LRP12: variants seen among roughly 807,000 people sequenced by gnomAD.
The protein encoded by LRP12 is LDL receptor related protein 12, also known as low-density lipoprotein receptor-related protein 12.
In LRP12, 14 loss-of-function variants were observed where a neutral mutation model predicts 66.0. The observed-to-expected ratio is 0.21, with a 90% CI of 0.14 to 0.33. LRP12 has a LOEUF of 0.33. Ranked by LOEUF, LRP12 falls within the 10% of genes least tolerant of loss-of-function variation. LRP12 has a pLI of 1.00. For synonymous variants in LRP12, 357 were observed against 359.1 expected, an observed-to-expected ratio of 0.99 and a Z score of 0.07; for missense variants, 889 against 1,053.4, an observed-to-expected ratio of 0.84 and a Z score of 2.16.
chr8:104,548,301 A>ATG (rs1491309000), intron 1 of LRP12, among the ~76,000 whole-genome samples: 1 of 85,518 alleles, frequency 1.2e-5, no homozygotes, highest in Non-Finnish European at 1.9e-5. Flanking sequence ...ATATTTATAT[A>ATG]ATATATATTA....
chr8:104,586,496 AAC>A (rs749121710), intron 1 of LRP12, among the ~76,000 whole-genome samples: 48 of 152,298 alleles, frequency 3.2e-4, no homozygotes, highest in Non-Finnish European at 4.6e-4. Flanking sequence ...AGCCTTTTAA[AAC>A]ACACACACAC....
chr8:104,526,978 A>G (rs1194273456), intron 2 of LRP12, among the ~76,000 whole-genome samples: 2 of 148,864 alleles, frequency 1.3e-5, no homozygotes, highest in African/African-American at 2.6e-5. Context: ...AACTCAAACA[A>G]ATTTACAAGA....
chr8:104,563,518 T>TATAC (rs1811947427), intron 1 of LRP12, among the ~76,000 whole-genome samples: 2 of 152,106 alleles, frequency 1.3e-5, no homozygotes, highest in Non-Finnish European at 2.9e-5. Flanking sequence ...AATAAATACA[T>TATAC]ATACATACAT....
At chr8:104,543,649 C>T (rs1811511686) in intron 1 of LRP12, among the ~76,000 whole-genome samples, 1 of 152,190 alleles carries the variant, frequency 6.6e-6, no homozygotes, top group African/African-American at 2.4e-5. Flanking sequence ...GGGCTGGGCA[C>T]AGTGGCTCAC....
intron 1 of LRP12, among the ~76,000 whole-genome samples, chr8:104,583,863 A>G (rs1294544080): frequency 6.6e-6 from 1 of 152,194 alleles, no homozygotes; most frequent in Admixed American, 6.5e-5. Flanking sequence ...CGCATCTTTC[A>G]ATGTAAGTAT....
At chr8:104,511,987 A>G (rs1053005240) in intron 2 of LRP12, among the ~76,000 whole-genome samples, 2 of 152,146 alleles carry the variant, frequency 1.3e-5, no homozygotes, top group Non-Finnish European at 2.9e-5. Context: ...TTAGAAAAAG[A>G]CTATATGTAT....
At chr8:104,561,715 C>CT (rs943438983) in intron 1 of LRP12, among the ~76,000 whole-genome samples, 1 of 152,146 alleles carries the variant, frequency 6.6e-6, no homozygotes, top group Non-Finnish European at 1.5e-5. Flanking sequence ...TTTCAACCAA[C>CT]TGCCTTCGTT....
intron 1 of LRP12, among the ~76,000 whole-genome samples, chr8:104,547,761 A>G (rs915859830): frequency 7.9e-6 from 1 of 127,238 alleles, no homozygotes; most frequent in South Asian, 2.4e-4. Flanking sequence ...TATAATATAT[A>G]ATTCTATATT....
In LRP12 at chr8:104,491,477, C is replaced by G. The variant is rs1373803912; in HGVS notation, c.1776G>C (p.Arg592Ser). ...VRSQLGFTSV[R>S]LPMAGRSSNI... Reference sequence around the variant, plus strand: ...TGCTTGATCTGCCTGCCATAGGAAGCCTGACTGAAGTAAATCCAAGCTGAG... The same window carrying G: ...TGCTTGATCTGCCTGCCATAGGAAGGCTGACTGAAGTAAATCCAAGCTGAG... The change falls in exon 7 of 7, where the codon AGG becomes AGC. Residue 592 changes from arginine (R) to serine (S), a missense_variant. Physicochemically the swap from Arg to Ser is moderately radical, Grantham distance 110. This residue lies in a region of LRP12 where 800 missense variants were observed against 964.5 expected (regional missense o/e 0.83). Coordinates refer to ENST00000276654, the MANE Select transcript of LRP12 (RefSeq NM_013437.5). 1 of 1,613,700 alleles carries G rather than the reference C, an allele frequency of 6.2e-7. No homozygotes were observed. The highest frequency in any genetic ancestry group is 1.3e-5 in the African/African-American group (1 of 74,842).
chr8:104,512,256 G>T (rs1233555330), intron 2 of LRP12, among the ~76,000 whole-genome samples: 2 of 152,192 alleles, frequency 1.3e-5, no homozygotes, highest in Non-Finnish European at 2.9e-5. Context: ...GGCGGAGGCT[G>T]CAGTAAGCTG....
intron 1 of LRP12, among the ~76,000 whole-genome samples, chr8:104,551,615 G>A (rs1280275743): frequency 6.6e-6 from 1 of 152,056 alleles, no homozygotes; most frequent in Non-Finnish European, 1.5e-5. Context: ...GCGATATTTG[G>A]TTTTCTGTTC....
chr8:104,571,546 C>T (rs1469878140), intron 1 of LRP12, among the ~76,000 whole-genome samples: 8 of 152,146 alleles, frequency 5.3e-5, no homozygotes, highest in Non-Finnish European at 1.2e-4. Flanking sequence ...GTTCATTCTC[C>T]TTCCTGTCAC....
chr8:104,519,936 A>G (rs1375706006), intron 2 of LRP12, among the ~76,000 whole-genome samples: 1 of 152,070 alleles, frequency 6.6e-6, no homozygotes, highest in Admixed American at 6.6e-5. Context: ...CAAGGCAGGT[A>G]ATTTCTTGGT....
Position 104,497,317 on chromosome 8 carries a change from A to G in LRP12, c.1235T>C (p.Met412Thr), listed in dbSNP as rs759339913. Residue 412 changes from methionine (M) to threonine (T), a missense_variant, in exon 5 of 7, where the codon ATG becomes ACG. Met to Thr is a moderately conservative substitution (Grantham distance 81). This residue lies in a region of LRP12 where 800 missense variants were observed against 964.5 expected (regional missense o/e 0.83). Transcript: ENST00000276654. The surrounding 1 kb of genome is among the most constrained non-coding windows in gnomAD (Gnocchi z 4.3). ...ACATGGAAATTCTTCCTTCTGGCACATGGTACAATTGGTTTCATCCCTTCC... is the reference window on the plus strand; with the variant it reads ...ACATGGAAATTCTTCCTTCTGGCACGTGGTACAATTGGTTTCATCCCTTCC... ...PNGRDETNCT[M>T]CQKEEFPCSR... is the part of the protein sequence containing the mutation. 6 of 1,614,200 alleles carry G rather than the reference A, an allele frequency of 3.7e-6. No individual in the cohort carries two copies. The highest frequency in any genetic ancestry group is 5.1e-6 in the Non-Finnish European group (6 of 1,180,036).
intron 1 of LRP12, among the ~76,000 whole-genome samples, chr8:104,545,331 T>C (rs1280577201): frequency 6.6e-6 from 1 of 152,162 alleles, no homozygotes; most frequent in Non-Finnish European, 1.5e-5. Flanking sequence ...CAACAAAAGA[T>C]TTAGAATATT....
chr8:104,537,462 T>G (rs116801119), intron 1 of LRP12, among the ~76,000 whole-genome samples: 283 of 152,144 alleles, frequency 1.9e-3, no homozygotes, highest in African/African-American at 6.2e-3. Context: ...ATCTCACAAA[T>G]CTGGAAGACG....
At chr8:104,521,775 C>A (rs1000660640) in intron 2 of LRP12, among the ~76,000 whole-genome samples, 11 of 151,830 alleles carry the variant, frequency 7.2e-5, no homozygotes, top group Non-Finnish European at 1.6e-4. Flanking sequence ...AGGCTTCTTT[C>A]TTTTCTTCAT....
At chr8:104,555,627 T>C (rs1811795871) in intron 1 of LRP12, among the ~76,000 whole-genome samples, 3 of 152,122 alleles carry the variant, frequency 2.0e-5, no homozygotes, top group Admixed American at 2.0e-4. Context: ...CCTAAATATA[T>C]ATGCACCTAA....
chr8:104,549,359 T>C (rs993620148), intron 1 of LRP12, among the ~76,000 whole-genome samples: 1 of 150,900 alleles, frequency 6.6e-6, no homozygotes, highest in African/African-American at 2.4e-5. Context: ...ATGACCTACT[T>C]AGAAAACACT....
Sources: allele counts gnomAD v4.1 joint callset (sites outside exome capture counted in the v4.1 genomes callset), GRCh38; gene constraint gnomAD v4.1.1; regional missense constraint gnomAD v4.1.1; non-coding constraint Gnocchi (gnomAD v3.1); transcripts MANE v1.5; gene names NCBI Gene and HGNC (gene_info 2026-07-23, HGNC 2026-07-21).